The following COA1 variants were observed in gnomAD, a reference collection of about 807,000 sequenced individuals.
COA1 encodes the protein cytochrome c oxidase assembly factor 1 homolog.
Under a neutral mutation model 16.0 loss-of-function variants are expected in COA1, and 13 were observed. The observed-to-expected ratio is 0.81, with a 90% confidence interval of 0.53 to 1.29. The LOEUF is 1.29. Among genes scored for constraint, COA1 ranks in the 50% most tolerant of loss-of-function variants. The pLI is 0.00. For synonymous variants in COA1, 65 were observed against 65.7 expected, an observed-to-expected ratio of 0.99 and a Z score of 0.05; for missense variants, 179 against 177.0, an observed-to-expected ratio of 1.01 and a Z score of -0.06.
intron 1 of COA1, among the ~76,000 whole-genome samples, chr7:43,720,825 G>C (rs1282935346): frequency 3.3e-5 from 5 of 152,152 alleles, no homozygotes; most frequent in African/African-American, 1.2e-4. Context: ...TTTTGGATGG[G>C]TTAGCTTCGA....
At chr7:43,727,222 G>A (rs2095634969) in intron 1 of COA1, among the ~76,000 whole-genome samples, 1 of 152,206 alleles carries the variant, frequency 6.6e-6, no homozygotes, top group South Asian at 2.1e-4. Flanking sequence ...AATGACAAGT[G>A]TTGGCAAGGA....
intron 1 of COA1, among the ~76,000 whole-genome samples, chr7:43,669,784 C>A (rs1320034901): frequency 2.0e-5 from 3 of 150,748 alleles, no homozygotes; most frequent in Non-Finnish European, 4.4e-5. Context: ...AAAAAAAAAA[C>A]CATCACATCA....
rs900231502 is a variant in COA1, at chr7:43,700,169, T to A, written c.-39+29260A>T. 2.5e-4 allele frequency among the ~76,000 whole-genome samples: 38 copies of A among 152,200 alleles called. 1 individual carries two copies. The highest frequency in any genetic ancestry group is 9.2e-4 in the African/African-American group (38 of 41,526). ...ATATTTAGCACCATCTAGTGGCAAATCTATTTTTTAAGTTGGAGAAAAAAT... is the reference window on the plus strand; with the variant it reads ...ATATTTAGCACCATCTAGTGGCAAAACTATTTTTTAAGTTGGAGAAAAAAT... On this transcript the variant is annotated intron_variant, in intron 1 of 5. Coordinates refer to ENST00000223336, the MANE Select transcript of COA1 (RefSeq NM_018224.4).
At chr7:43,700,359 A>G (rs988325497) in intron 1 of COA1, among the ~76,000 whole-genome samples, 7 of 152,080 alleles carry the variant, frequency 4.6e-5, no homozygotes, top group African/African-American at 1.7e-4. Context: ...AAAATTTTCT[A>G]TAACAAAAGA....
At chr7:43,615,901 G>A (rs1015120140) in intron 6 of COA1, among the ~76,000 whole-genome samples, 2 of 152,026 alleles carry the variant, frequency 1.3e-5, no homozygotes, top group African/African-American at 4.8e-5. Context: ...TCTTAGAGAG[G>A]CCTTCTCTGA....
chr7:43,646,822 ACACT>A (rs1285742449), intron 3 of COA1: 24 of 288,716 alleles, frequency 8.3e-5, no homozygotes, highest in South Asian at 6.4e-4. Context: ...TCTGCTGGTG[ACACT>A]CACATCCTGG....
chr7:43,620,408 C>T (rs1048817579), intron 6 of COA1, among the ~76,000 whole-genome samples: 4 of 152,212 alleles, frequency 2.6e-5, no homozygotes, highest in Non-Finnish European at 5.9e-5. Context: ...AGTGCAGTGG[C>T]TCACGCCTGT....
chr7:43,645,442 C>A, intron 3 of COA1, 43 bp from the exon 4 acceptor site: 1 of 1,573,198 alleles, frequency 6.4e-7, no homozygotes, highest in South Asian at 1.1e-5. Flanking sequence ...TGAACTTGGT[C>A]AGGTAGAATC....
chr7:43,624,230 A>T (rs1402467816), intron 6 of COA1, among the ~76,000 whole-genome samples: 3 of 152,224 alleles, frequency 2.0e-5, no homozygotes, highest in African/African-American at 7.2e-5. Context: ...ATTGACAGTG[A>T]AATGACAGCT....
chr7:43,621,737 C>T (rs1265204355), intron 6 of COA1, among the ~76,000 whole-genome samples: 3 of 152,118 alleles, frequency 2.0e-5, no homozygotes, highest in African/African-American at 7.2e-5. Flanking sequence ...AATTTTCTAT[C>T]AAGAGCCTTT....
chr7:43,680,394 A>G (rs2093713655), intron 1 of COA1, among the ~76,000 whole-genome samples: 1 of 152,208 alleles, frequency 6.6e-6, no homozygotes, highest in South Asian at 2.1e-4. Flanking sequence ...AATAGAGAAA[A>G]GAAACACTTT....
chr7:43,686,496 C>T (rs950278014), intron 1 of COA1, among the ~76,000 whole-genome samples: 1 of 151,734 alleles, frequency 6.6e-6, no homozygotes, highest in Non-Finnish European at 1.5e-5. Flanking sequence ...TTAGTAGAGA[C>T]GGGGTTTCAC....
At chr7:43,614,217 G>A (rs2083138274) in intron 6 of COA1, among the ~76,000 whole-genome samples, 1 of 152,116 alleles carries the variant, frequency 6.6e-6, no homozygotes, top group Admixed American at 6.5e-5. Context: ...GTACAAAGAT[G>A]AAGATACCGA....
At chr7:43,656,055 A>G (rs2091661121) in intron 1 of COA1, 1 of 152,242 alleles carries the variant, frequency 6.6e-6, no homozygotes. Context: ...CATGTGAATG[A>G]GCTGTCATGG....
Position 43,729,447 on chromosome 7 carries a change from C to A in COA1, c.-57G>T, listed in dbSNP as rs2095697412. The stretch of plus-strand genomic sequence containing the variant: ...GACTAACCTGTGAGCAACAGAAGCA[C>A]CACGCTACAAAGAGCATGACGAGTT... On this transcript the variant is annotated 5_prime_UTR_variant, in exon 1 of 6. Transcript: ENST00000223336. 1 of 152,296 alleles carries A rather than the reference C, an allele frequency of 6.6e-6. No individual in the cohort carries two copies. Among genetic ancestry groups the A allele is most frequent in the Non-Finnish European group, 1.5e-5 (1 of 68,070 alleles). The allele number at this position is 152,296 out of a possible 1,614,324, so 9.4% of individuals were successfully genotyped here. A position where few individuals can be genotyped will look rare whatever the true frequency, so the allele number is the denominator to read the frequency against.
At chr7:43,721,342 G>A (rs985826754) in intron 1 of COA1, among the ~76,000 whole-genome samples, 4 of 152,038 alleles carry the variant, frequency 2.6e-5, no homozygotes, top group African/African-American at 4.8e-5. Context: ...AGCAATTATC[G>A]TCCAGCTGAC....
At chr7:43,679,414 C>G (rs1414303870) in intron 1 of COA1, among the ~76,000 whole-genome samples, 1 of 151,614 alleles carries the variant, frequency 6.6e-6, no homozygotes, top group Non-Finnish European at 1.5e-5. Flanking sequence ...GAAACTAGAA[C>G]CTATGTTTTA....
chr7:43,689,395 G>A (rs997319004), intron 1 of COA1, among the ~76,000 whole-genome samples: 1 of 152,112 alleles, frequency 6.6e-6, no homozygotes, highest in African/African-American at 2.4e-5. Context: ...GGCATTCAGT[G>A]GTCAGAAATG....
At chr7:43,696,720 T>C (rs1392770642) in intron 1 of COA1, among the ~76,000 whole-genome samples, 1 of 152,086 alleles carries the variant, frequency 6.6e-6, no homozygotes, top group East Asian at 1.9e-4. Flanking sequence ...TATATATGTA[T>C]ATATATAGAC....
Sources: gnomAD v4.1 joint callset for allele counts (sites outside exome capture counted in the v4.1 genomes callset) on GRCh38, gnomAD v4.1.1 for gene constraint, MANE v1.5 for transcripts, NCBI Gene and HGNC (gene_info 2026-07-23, HGNC 2026-07-21) for gene names.